Variants in KLF8 observed in about 807,000 individuals in gnomAD.
KLF8 encodes the protein Krueppel-like factor 8.
KLF8 carries 10 observed loss-of-function variants against 18.2 expected under a neutral mutation model. The ratio of observed to expected loss-of-function variants is 0.55; its 90% CI spans 0.34 to 0.93. The LOEUF (loss-of-function observed/expected upper bound fraction) is 0.93, where lower values mean the gene tolerates loss of function less well. KLF8 is among the 40% of genes least tolerant of loss of function. The pLI, the probability that KLF8 is intolerant of heterozygous loss-of-function variation, is 0.02. For synonymous variants in KLF8, 109 were observed against 97.3 expected, an observed-to-expected ratio of 1.12 and a Z score of -0.71; for missense variants, 264 against 277.9, an observed-to-expected ratio of 0.95 and a Z score of 0.36.
the KLF8 span, among the ~76,000 whole-genome samples, chrX:56,153,334 A>G: frequency 9.1e-6 from 1 of 109,395 alleles, no homozygotes; most frequent in East Asian, 2.9e-4. Context: ...TTGCATGGGG[A>G]ACAGAGAGGG....
the KLF8 span, among the ~76,000 whole-genome samples, chrX:56,211,950 G>A: frequency 2.7e-5 from 3 of 110,923 alleles, no homozygotes; most frequent in African/African-American, 9.8e-5. Context: ...AATCTCAGCG[G>A]CTCACCCAAG....
At chrX:56,160,536 A>G in the KLF8 span, among the ~76,000 whole-genome samples, 1 of 111,376 alleles carries the variant, frequency 9.0e-6, no homozygotes, top group Non-Finnish European at 1.9e-5. Flanking sequence ...GTCTCTTTGT[A>G]GGTTACTAAG....
At chrX:56,107,238 A>T in the KLF8 span, among the ~76,000 whole-genome samples, 3 of 112,161 alleles carry the variant, frequency 2.7e-5, no homozygotes, top group Non-Finnish European at 5.6e-5. Context: ...TGGGAGAACC[A>T]CTGCTCTCTT....
the KLF8 span, among the ~76,000 whole-genome samples, chrX:56,208,130 G>C: frequency 7.2e-5 from 8 of 111,335 alleles, 1 homozygote; most frequent in South Asian, 3.0e-3. Flanking sequence ...TTGACACATG[G>C]GGATTATTAC....
At chrX:56,077,620 T>C in the KLF8 span, among the ~76,000 whole-genome samples, 2 of 111,983 alleles carry the variant, frequency 1.8e-5, no homozygotes, top group African/African-American at 6.5e-5. Context: ...GACTTGCCGA[T>C]GCAGGCTCTT....
chrX:56,010,960 G>T, the KLF8 span, among the ~76,000 whole-genome samples: 1 of 112,357 alleles, frequency 8.9e-6, no homozygotes, highest in Non-Finnish European at 1.9e-5. Context: ...CAGGAGCACA[G>T]ATTCATGAAA....
the KLF8 span, among the ~76,000 whole-genome samples, chrX:55,996,578 G>T: frequency 8.9e-6 from 1 of 111,808 alleles, no homozygotes; most frequent in East Asian, 2.8e-4. Flanking sequence ...TTTGACTGTC[G>T]TATAAGTTGG....
At chrX:56,117,449 A>G in the KLF8 span, among the ~76,000 whole-genome samples, 2 of 111,279 alleles carry the variant, frequency 1.8e-5, no homozygotes, top group African/African-American at 6.5e-5. Context: ...TCCTGTCCTC[A>G]TAGAATATAT....
chrX:56,197,228 A>G, the KLF8 span, among the ~76,000 whole-genome samples: 1 of 111,110 alleles, frequency 9.0e-6, no homozygotes, highest in African/African-American at 3.3e-5. Flanking sequence ...AAGGCAAGAA[A>G]TAACTAAGAT....
the KLF8 span, among the ~76,000 whole-genome samples, chrX:55,982,247 A>G: frequency 1.8e-5 from 2 of 111,874 alleles, no homozygotes; most frequent in Non-Finnish European, 3.8e-5. Flanking sequence ...AATGTTTTGT[A>G]GTACATTTGT....
Position 56,236,793 on chromosome X carries a change from T to C in KLF8, c.7+3452T>C, listed in dbSNP as rs943857325. 7.3e-5 allele frequency among the ~76,000 whole-genome samples: 8 copies of C among 109,493 alleles called. No individual in the cohort carries two copies. In the Admixed American group the frequency reaches 7.9e-4, roughly 11 times the overall value. ...CTCGCTGGAGGCAACTAATGTTATC[T>C]ATTTATTAGGAATCTCTCCAGGGAT... On this transcript the variant is annotated intron_variant, in intron 1 of 5. Coordinates refer to ENST00000468660, the MANE Select transcript of KLF8 (RefSeq NM_007250.5).
chrX:56,156,904 G>C, the KLF8 span, among the ~76,000 whole-genome samples: 1 of 108,482 alleles, frequency 9.2e-6, no homozygotes, highest in African/African-American at 3.4e-5. Flanking sequence ...ACTCATCCTT[G>C]TCATGAGGAT....
chrX:56,160,647 C>T, the KLF8 span, among the ~76,000 whole-genome samples: 5 of 111,514 alleles, frequency 4.5e-5, no homozygotes, highest in African/African-American at 6.5e-5. Flanking sequence ...TATGTAATGG[C>T]CTTCTTTGTC....
chrX:56,091,542 C>T, the KLF8 span, among the ~76,000 whole-genome samples: 1 of 111,149 alleles, frequency 9.0e-6, no homozygotes, highest in Non-Finnish European at 1.9e-5. Flanking sequence ...TGTCACCCAG[C>T]CTGGAGTGCA....
the KLF8 span, among the ~76,000 whole-genome samples, chrX:56,038,672 G>C: frequency 8.9e-6 from 1 of 112,223 alleles, no homozygotes; most frequent in Non-Finnish European, 1.9e-5. Flanking sequence ...GTGCTGCAAT[G>C]AACATATGCA....
chrX:56,203,759 T>C, the KLF8 span, among the ~76,000 whole-genome samples: 1 of 111,846 alleles, frequency 8.9e-6, no homozygotes, highest in African/African-American at 3.2e-5. Flanking sequence ...TTTTTCTGGG[T>C]TTGCTATTCT....
the KLF8 span, among the ~76,000 whole-genome samples, chrX:56,175,570 T>A: frequency 4.5e-5 from 5 of 111,734 alleles, no homozygotes; most frequent in Admixed American, 2.9e-4. Flanking sequence ...GAATATATAT[T>A]CTGTTGATTT....
the KLF8 span, among the ~76,000 whole-genome samples, chrX:56,195,482 C>T: frequency 9.0e-6 from 1 of 111,621 alleles, no homozygotes; most frequent in Admixed American, 9.6e-5. Context: ...GAAAGGGTAT[C>T]AGTGATTGAA....
the KLF8 span, among the ~76,000 whole-genome samples, chrX:56,174,288 G>T: frequency 1.8e-5 from 2 of 111,993 alleles, no homozygotes; most frequent in Admixed American, 9.5e-5. Context: ...CTAAATTATT[G>T]AGAGTTTTTA....
Sources: gnomAD v4.1 joint callset for allele counts (sites outside exome capture counted in the v4.1 genomes callset) on GRCh38, gnomAD v4.1.1 for gene constraint, MANE v1.5 for transcripts, NCBI Gene and HGNC (gene_info 2026-07-23, HGNC 2026-07-21) for gene names.